PCGF3: variants seen among roughly 807,000 people sequenced by gnomAD.
The protein encoded by PCGF3 is polycomb group RING finger protein 3.
In PCGF3, 7 loss-of-function variants were observed where a neutral mutation model predicts 33.1. That is an observed-to-expected ratio of 0.21 (90% confidence interval 0.12 to 0.40). The LOEUF (loss-of-function observed/expected upper bound fraction) is 0.40, where lower values mean the gene tolerates loss of function less well. Ranked by LOEUF, PCGF3 falls within the 10% of genes least tolerant of loss-of-function variation. The pLI, the probability that PCGF3 is intolerant of heterozygous loss-of-function variation, is 1.00. For missense variants in PCGF3, 211 were observed against 313.3 expected, an observed-to-expected ratio of 0.67 and a Z score of 2.46; for synonymous variants, 153 against 121.3, an observed-to-expected ratio of 1.26 and a Z score of -1.72.
At chr4:724,784 C>T (rs755784022) in intron 1 of PCGF3, among the ~76,000 whole-genome samples, 1 of 151,254 alleles carries the variant, frequency 6.6e-6, no homozygotes, top group Non-Finnish European at 1.5e-5. Context: ...GGCGACAGAG[C>T]GAGATTCCGT....
intron 3 of PCGF3, among the ~76,000 whole-genome samples, chr4:733,383 C>G (rs1268298340): frequency 6.6e-6 from 1 of 152,236 alleles, no homozygotes; most frequent in African/African-American, 2.4e-5. Flanking sequence ...TATGGACCCT[C>G]CTCAGTCCTC....
At chr4:752,597 G>A (rs1297208774) in intron 8 of PCGF3, among the ~76,000 whole-genome samples, 3 of 152,206 alleles carry the variant, frequency 2.0e-5, no homozygotes, top group African/African-American at 7.2e-5. Context: ...TGGGGGACGG[G>A]CCTGCTGCCC....
chr4:761,467 A>T (rs772649222), intron 9 of PCGF3, 51 bp downstream of exon 9: 6 of 1,500,364 alleles, frequency 4.0e-6, no homozygotes, highest in Non-Finnish European at 5.4e-6. Flanking sequence ...TCTTATTTCT[A>T]AAGGTAACTC....
At chr4:761,403 C>T (rs868301100) in exon 9 of PCGF3, 1 of 1,608,282 alleles carries the variant, frequency 6.2e-7, no homozygotes, top group Non-Finnish European at 8.5e-7. Flanking sequence ...CTCAACCTTT[C>T]ATCCTTTAAC....
At chr4:765,424 C>A (rs1198635261) in intron 10 of PCGF3, among the ~76,000 whole-genome samples, 2 of 116,166 alleles carry the variant, frequency 1.7e-5, no homozygotes, top group African/African-American at 7.1e-5. Flanking sequence ...CAGAGGGAGA[C>A]TCTGTCTCAA....
intron 6 of PCGF3, among the ~76,000 whole-genome samples, chr4:741,751 G>A (rs1390441386): frequency 6.6e-6 from 1 of 152,132 alleles, no homozygotes; most frequent in Non-Finnish European, 1.5e-5. Flanking sequence ...ACTGAGTGCT[G>A]CTATTTTTAA....
exon 11 of PCGF3, chr4:769,547 T>G (rs1433188359): frequency 1.3e-5 from 2 of 152,678 alleles, no homozygotes; most frequent in African/African-American, 2.4e-5. Flanking sequence ...ATAAGTAGAT[T>G]AGAAAATCAT....
At chr4:733,020 A>ATTGTGCC (rs2109607668) in intron 3 of PCGF3, among the ~76,000 whole-genome samples, 1 of 150,614 alleles carries the variant, frequency 6.6e-6, no homozygotes, top group Non-Finnish European at 1.5e-5. Flanking sequence ...GTGGCCTGGC[A>ATTGTGCC]TTGTGCCCAC....
chr4:748,677 A>G (rs4690190), intron 8 of PCGF3, among the ~76,000 whole-genome samples: 11,635 of 152,178 alleles, frequency 0.076, 496 homozygotes, highest in South Asian at 0.14. Flanking sequence ...TTCTTCTTTC[A>G]TGACCCCGGT....
At chr4:753,411 T>C (rs867047077) in intron 8 of PCGF3, among the ~76,000 whole-genome samples, 2 of 152,012 alleles carry the variant, frequency 1.3e-5, no homozygotes. Flanking sequence ...TCCCAGCATA[T>C]TGGGAGGCCG....
chr4:736,178 G>C lies in PCGF3; in HGVS notation c.206+1151G>C, dbSNP rs536827312. On this transcript the variant is annotated intron_variant, in intron 5 of 10. Coordinates refer to ENST00000362003, the Ensembl canonical transcript of PCGF3. ...TTCTCCTGCCTCAGCCTCCCGAGTA[G>C]CTGGAATTACAGGCGCATGTCACCA... is the stretch of plus-strand genomic sequence containing the variant. Among the ~76,000 whole-genome samples, 23 of 152,200 alleles carry C rather than the reference G, an allele frequency of 1.5e-4. No individual in the cohort carries two copies. The East Asian group carries it at 2.3e-3, about 15-fold the overall frequency.
intron 4 of PCGF3, 79 bp from the exon 5 acceptor site, chr4:734,852 C>T (rs993805572): frequency 6.4e-5 from 98 of 1,542,376 alleles, no homozygotes; most frequent in Non-Finnish European, 7.6e-5. Flanking sequence ...CAGAGACGCC[C>T]GTGTTCAGTG....
intron 9 of PCGF3, chr4:762,912 A>T (rs1234323114): frequency 6.6e-6 from 1 of 152,280 alleles, no homozygotes. Flanking sequence ...AGGGGTCAGG[A>T]ATGACTGCAG....
chr4:726,644 A>G (rs918903066), intron 1 of PCGF3, among the ~76,000 whole-genome samples: 8 of 152,098 alleles, frequency 5.3e-5, no homozygotes, highest in African/African-American at 1.9e-4. Flanking sequence ...CCAAAGGTTC[A>G]CGGTCGCCTT....
intron 9 of PCGF3, chr4:764,665 A>G: frequency 3.6e-6 from 1 of 280,958 alleles, no homozygotes; most frequent in Non-Finnish European, 6.8e-6. Flanking sequence ...GCGGGATGGG[A>G]GCCCACCACT....
At chr4:714,461 C>T (rs551245169) in intron 1 of PCGF3, among the ~76,000 whole-genome samples, 2 of 152,356 alleles carry the variant, frequency 1.3e-5, no homozygotes, top group South Asian at 2.1e-4. Context: ...ACCGCTACAA[C>T]CCCACTGTGA....
chr4:728,494 G>A (rs570354458), intron 1 of PCGF3, among the ~76,000 whole-genome samples: 15 of 152,104 alleles, frequency 9.9e-5, no homozygotes, highest in Admixed American at 3.9e-4. Context: ...GGGGGGCAGC[G>A]TGCATAGCTT....
chr4:761,617 G>A (rs1451071782), intron 9 of PCGF3: 2 of 968,544 alleles, frequency 2.1e-6, no homozygotes, highest in African/African-American at 1.8e-5. Context: ...GACAGGGAAC[G>A]TGGAATGCTA....
In PCGF3 at chr4:731,435, C is replaced by T. The variant is rs551097866; in HGVS notation, c.-10+325C>T. 3.8e-4 allele frequency: 132 copies of T among 350,316 alleles called. 2 individuals carry two copies. In the South Asian group the frequency reaches 0.012, roughly 32 times the overall value. The allele number at this position is 350,316 out of a possible 1,614,324, so 21.7% of individuals were successfully genotyped here. A position where few individuals can be genotyped will look rare whatever the true frequency, so the allele number is the denominator to read the frequency against. On this transcript the variant is annotated intron_variant, in intron 3 of 10. Transcript: ENST00000362003. ...GGCCTCAGCCCAGTGAGTTGTGAGG[C>T]GGTCGGCTAGCATCCTGCAGGGAGG... is the stretch of plus-strand genomic sequence containing the variant.
Sources: gnomAD v4.1 joint callset for allele counts (sites outside exome capture counted in the v4.1 genomes callset) on GRCh38, gnomAD v4.1.1 for gene constraint, MANE v1.5 for transcripts, NCBI Gene and HGNC (gene_info 2026-07-23, HGNC 2026-07-21) for gene names.